The following ARHGAP23 variants were observed in gnomAD, a reference collection of about 807,000 sequenced individuals.
ARHGAP23 encodes Rho GTPase activating protein 23.
ARHGAP23 carries 34 observed loss-of-function variants against 136.3 expected under a neutral mutation model. The ratio of observed to expected loss-of-function variants is 0.25; its 90% CI spans 0.19 to 0.33. The LOEUF is 0.33. Ranked by LOEUF, ARHGAP23 falls within the 10% of genes least tolerant of loss-of-function variation. The pLI is 1.00. For missense variants in ARHGAP23, 1,808 were observed against 2,139.0 expected, an observed-to-expected ratio of 0.85 and a Z score of 3.05; for synonymous variants, 832 against 920.5, an observed-to-expected ratio of 0.90 and a Z score of 1.74.
At chr17:38,497,410 C>G (rs973286144) in intron 20 of ARHGAP23, among the ~76,000 whole-genome samples, 6 of 152,222 alleles carry the variant, frequency 3.9e-5, no homozygotes, top group Non-Finnish European at 8.8e-5. Flanking sequence ...GCACTGGTGC[C>G]TCCCTGCCCC....
chr17:38,449,191 A>T (rs150868217), intron 1 of ARHGAP23, among the ~76,000 whole-genome samples: 1 of 152,182 alleles, frequency 6.6e-6, no homozygotes, highest in African/African-American at 2.4e-5. Flanking sequence ...GTCTGGAGTG[A>T]CAAGTGCTTC....
intron 1 of ARHGAP23, among the ~76,000 whole-genome samples, chr17:38,441,144 C>A (rs1293430574): frequency 6.6e-6 from 1 of 152,240 alleles, no homozygotes; most frequent in Non-Finnish European, 1.5e-5. Context: ...CCAATCAGAC[C>A]TGCCTGCTGC....
intron 6 of ARHGAP23, among the ~76,000 whole-genome samples, chr17:38,465,747 G>A (rs1294853205): frequency 6.6e-6 from 1 of 151,774 alleles, no homozygotes; most frequent in Non-Finnish European, 1.5e-5. Flanking sequence ...CCCCTAGCCG[G>A]CTTTCTTCTC....
chr17:38,470,429 G>A (rs556405196), intron 10 of ARHGAP23, among the ~76,000 whole-genome samples: 7 of 152,298 alleles, frequency 4.6e-5, no homozygotes, highest in African/African-American at 1.4e-4. Flanking sequence ...GGATGGGGTC[G>A]GGGTGGACAC....
In ARHGAP23 at chr17:38,504,676, C is replaced by T. The variant is rs148841587; in HGVS notation, c.3447+4048C>T. ...TCCCACGGCCTCCATCTGAGCCACT[C>T]TTGGTTCTGTCTCACATTGCTGGGT... On this transcript the variant is annotated intron_variant, in intron 23 of 23. Coordinates refer to ENST00000622683, the MANE Select transcript of ARHGAP23 (RefSeq NM_001199417.2). Among the ~76,000 whole-genome samples the T allele has an allele frequency of 2.6e-5, 4 of 152,284 alleles. No homozygotes were observed. In the East Asian group the frequency reaches 7.7e-4, roughly 29 times the overall value.
At chr17:38,460,506 A>T (rs1209392505) in intron 2 of ARHGAP23, among the ~76,000 whole-genome samples, 1 of 152,114 alleles carries the variant, frequency 6.6e-6, no homozygotes, top group Non-Finnish European at 1.5e-5. Context: ...GGAGGACTCT[A>T]ATCAGTCCTC....
In ARHGAP23 at chr17:38,491,603, C is replaced by T. The variant is rs919178305; in HGVS notation, c.3276+71C>T. 3.9e-6 allele frequency: 6 copies of T among 1,539,500 alleles called. No homozygotes were observed. In the African/African-American group the frequency reaches 6.9e-5, roughly 18 times the overall value. ...GCCATGTTCCTCTGAGCCCCTCGCTCTTGCTCCGCCTGGCGGAGTGTGCCC... is the reference window on the plus strand; with the variant it reads ...GCCATGTTCCTCTGAGCCCCTCGCTTTTGCTCCGCCTGGCGGAGTGTGCCC... On this transcript the variant is annotated intron_variant, in intron 20 of 23. Transcript: ENST00000622683.
chr17:38,496,309 ATTT>A (rs57322408), intron 20 of ARHGAP23, among the ~76,000 whole-genome samples: 50 of 150,166 alleles, frequency 3.3e-4, no homozygotes, highest in African/African-American at 4.2e-4. Context: ...AAAATCTACA[ATTT>A]TTTTTTTTTT....
intron 1 of ARHGAP23, among the ~76,000 whole-genome samples, chr17:38,449,088 G>C (rs1473782162): frequency 1.3e-5 from 2 of 152,140 alleles, no homozygotes; most frequent in African/African-American, 4.8e-5. Context: ...CAGAGTGCTG[G>C]GATTATAGGC....
At chr17:38,439,670 G>T (rs1169033926) in intron 1 of ARHGAP23, among the ~76,000 whole-genome samples, 1 of 152,162 alleles carries the variant, frequency 6.6e-6, no homozygotes, top group Non-Finnish European at 1.5e-5. Context: ...TTTAATAACT[G>T]TGGAAACAGA....
At chr17:38,451,147 A>G (rs1325249421) in intron 1 of ARHGAP23, 1 of 152,174 alleles carries the variant, frequency 6.6e-6, no homozygotes, top group African/African-American at 2.4e-5. Context: ...GAGGGAGCGG[A>G]GAGGCTCCCC....
intron 1 of ARHGAP23, 118 bp downstream of exon 1, chr17:38,428,666 G>A: frequency 1.8e-6 from 1 of 567,628 alleles, no homozygotes; most frequent in Non-Finnish European, 2.6e-6. Flanking sequence ...CGGTGGGCGC[G>A]GGCACCGCGG....
At chr17:38,489,957 T>C in intron 17 of ARHGAP23, 145 bp from the exon 18 acceptor site, 1 of 714,092 alleles carries the variant, frequency 1.4e-6, no homozygotes, top group South Asian at 1.7e-5. Context: ...GGTGGGTGTG[T>C]TCACATACAC....
At chr17:38,499,093 A>T in intron 22 of ARHGAP23, 1 of 646,742 alleles carries the variant, frequency 1.5e-6, no homozygotes, top group South Asian at 1.7e-5. Flanking sequence ...CCTGTTATCC[A>T]CTTACCCCAG....
chr17:38,482,180 G>C (rs766380346), intron 15 of ARHGAP23, 37 bp downstream of exon 15: 7 of 1,540,632 alleles, frequency 4.5e-6, no homozygotes, highest in Middle Eastern at 4.4e-4. Context: ...GGCCCAGCAG[G>C]GGGAGACCGA....
upstream of ARHGAP23, among the ~76,000 whole-genome samples, chr17:38,426,785 C>T (rs2038577173): frequency 6.6e-6 from 1 of 152,168 alleles, no homozygotes; most frequent in African/African-American, 2.4e-5. Flanking sequence ...AAACCCCAGT[C>T]AGTATCTCAT....
In ARHGAP23 at chr17:38,428,485, G is replaced by T; in HGVS notation, c.-1G>T. ...GGCCGCAGAGCCGCCGCTGCCACCC[G>T]ATGAATGGAGTCGCCTTCTGCCTGG... On this transcript the variant is annotated 5_prime_UTR_variant, in exon 1 of 24. Coordinates refer to ENST00000622683, the MANE Select transcript of ARHGAP23 (RefSeq NM_001199417.2). 6.9e-7 allele frequency: 1 copy of T among 1,443,896 alleles called. No homozygotes were observed. The highest frequency in any genetic ancestry group is 9.1e-7 in the Non-Finnish European group (1 of 1,100,366). The allele number at this position is 1,443,896 out of a possible 1,614,324, so 89.4% of individuals were successfully genotyped here. A position where few individuals can be genotyped will look rare whatever the true frequency, so the allele number is the denominator to read the frequency against.
chr17:38,445,221 C>G (rs2144542797), intron 1 of ARHGAP23, among the ~76,000 whole-genome samples: 1 of 150,276 alleles, frequency 6.7e-6, no homozygotes, highest in East Asian at 2.0e-4. Flanking sequence ...AATCCCAGCA[C>G]TTTGGGAAGC....
chr17:38,496,954 A>G lies in ARHGAP23; in HGVS notation c.3277-831A>G, dbSNP rs2040406129. 2.0e-3 allele frequency among the ~76,000 whole-genome samples: 3 copies of G among 1,478 alleles called. No homozygotes were observed. The South Asian group carries it at 0.15, about 74-fold the overall frequency. 1.0% of individuals were successfully genotyped at this position (1,478 alleles called of 152,430 possible). A position where few individuals can be genotyped will look rare whatever the true frequency, so the allele number is the denominator to read the frequency against. On this transcript the variant is annotated intron_variant, in intron 20 of 23. Transcript: ENST00000622683. ...GGTGACAGAGTGAGATTCTGTTGGA[A>G]AAAAAAAAAAAAGAATAGCTTTATT...
Sources: allele counts gnomAD v4.1 joint callset (sites outside exome capture counted in the v4.1 genomes callset), GRCh38; gene constraint gnomAD v4.1.1; transcripts MANE v1.5; gene names NCBI Gene and HGNC (gene_info 2026-07-23, HGNC 2026-07-21).